The following EIF4EBP2 variants were observed in gnomAD, a reference collection of about 807,000 sequenced individuals.
EIF4EBP2 encodes the protein eukaryotic translation initiation factor 4E-binding protein 2.
In EIF4EBP2, 5 loss-of-function variants were observed where a neutral mutation model predicts 10.3. The observed-to-expected ratio is 0.48, with a 90% CI of 0.25 to 1.02. EIF4EBP2 has a LOEUF of 1.02. EIF4EBP2 is among the 50% of genes least tolerant of loss of function. EIF4EBP2 has a pLI of 0.15. For missense variants in EIF4EBP2, 188 were observed against 162.2 expected (o/e 1.16, Z -0.86); for synonymous variants, 67 against 61.1 (o/e 1.10, Z -0.45).
chr10:70,421,756 C>G lies in EIF4EBP2; in HGVS notation c.*9C>G. 6.2e-7 allele frequency: 1 copy of G among 1,612,508 alleles called. No individual in the cohort carries two copies. On this transcript the variant is annotated 3_prime_UTR_variant, in exon 3 of 3. Transcript: ENST00000373218. ...TCGAGATGGACATCTGACTCTCCTG[C>G]AAGGATTAGAAGAAAAGCAGCAACA... is the stretch of plus-strand genomic sequence containing the variant.
chr10:70,405,723 C>T (rs1477347838), intron 1 of EIF4EBP2, among the ~76,000 whole-genome samples: 1 of 152,136 alleles, frequency 6.6e-6, no homozygotes, highest in East Asian at 1.9e-4. Context: ...TGCACAATAG[C>T]AAGGCCTGTG....
At chr10:70,408,841 T>C (rs1409457179) in intron 1 of EIF4EBP2, among the ~76,000 whole-genome samples, 1 of 152,242 alleles carries the variant, frequency 6.6e-6, no homozygotes, top group Non-Finnish European at 1.5e-5. Context: ...AGTCAAGTGC[T>C]AACATATATT....
At chr10:70,407,319 A>T (rs1425325326) in intron 1 of EIF4EBP2, among the ~76,000 whole-genome samples, 2 of 152,090 alleles carry the variant, frequency 1.3e-5, no homozygotes, top group Non-Finnish European at 2.9e-5. Context: ...GATGACTCTT[A>T]ACGAGCACGC....
In EIF4EBP2 at chr10:70,421,125, A is replaced by G. The variant is rs562774925; in HGVS notation, c.332-591A>G. ...TGTTTCTTATATGAGTTTCTTTTAT[A>G]TGGTGTGAGGAAAAGCGGTATGGTT... On this transcript the variant is annotated intron_variant, in intron 2 of 2. Transcript: ENST00000373218. Among the ~76,000 whole-genome samples the G allele has an allele frequency of 2.0e-5, 3 of 152,244 alleles. 1 individual carries two copies. Among genetic ancestry groups the G allele is most frequent in the African/African-American group, 7.2e-5 (3 of 41,530 alleles).
At chr10:70,413,988 A>G (rs1329329208) in intron 1 of EIF4EBP2, among the ~76,000 whole-genome samples, 2 of 152,204 alleles carry the variant, frequency 1.3e-5, no homozygotes, top group Non-Finnish European at 2.9e-5. Context: ...TTGAGCTGAC[A>G]TAGCGTTGGA....
intron 1 of EIF4EBP2, among the ~76,000 whole-genome samples, chr10:70,417,778 C>T (rs1845112744): frequency 6.6e-6 from 1 of 152,196 alleles, no homozygotes; most frequent in Admixed American, 6.5e-5. Context: ...GTTGACTCAT[C>T]TGACAGTGAA....
At chr10:70,409,344 T>C (rs1326835613) in intron 1 of EIF4EBP2, among the ~76,000 whole-genome samples, 1 of 152,104 alleles carries the variant, frequency 6.6e-6, no homozygotes, top group Non-Finnish European at 1.5e-5. Flanking sequence ...GTGGGGATGA[T>C]ATTTGGTTCT....
rs1845209355 is a variant in EIF4EBP2 at position 70,426,732 on chromosome 10, T to G, written c.*4985T>G. 6.6e-6 allele frequency: 1 copy of G among 152,256 alleles called. No individual in the cohort carries two copies. Among genetic ancestry groups the G allele is most frequent in the Non-Finnish European group, 1.5e-5 (1 of 68,046 alleles). The allele number at this position is 152,256 out of a possible 1,614,324, so 9.4% of individuals were successfully genotyped here. A position where few individuals can be genotyped will look rare whatever the true frequency, so the allele number is the denominator to read the frequency against. On this transcript the variant is annotated 3_prime_UTR_variant, in exon 3 of 3. Coordinates refer to ENST00000373218, the MANE Select transcript of EIF4EBP2 (RefSeq NM_004096.5). ...TTCTTCCAGAAGTAAAGAACTCATCTTTAGAGTACCTTTAAATGAATTTTG... is the reference window on the plus strand; with the variant it reads ...TTCTTCCAGAAGTAAAGAACTCATCGTTAGAGTACCTTTAAATGAATTTTG...
intron 1 of EIF4EBP2, among the ~76,000 whole-genome samples, chr10:70,415,850 T>C (rs1845089217): frequency 6.6e-6 from 1 of 150,782 alleles, no homozygotes; most frequent in Non-Finnish European, 1.5e-5. Context: ...GCCTGAGATA[T>C]GACTCCAAAA....
At chr10:70,408,548 C>T (rs1333153824) in intron 1 of EIF4EBP2, among the ~76,000 whole-genome samples, 5 of 152,194 alleles carry the variant, frequency 3.3e-5, no homozygotes, top group Non-Finnish European at 7.3e-5. Flanking sequence ...TTAACTTCCC[C>T]CTCTGACGGT....
intron 2 of EIF4EBP2, 58 bp from the exon 3 acceptor site, chr10:70,421,658 A>C: frequency 2.7e-6 from 4 of 1,488,558 alleles, no homozygotes; most frequent in Non-Finnish European, 3.7e-6. Context: ...ATGACAGTTA[A>C]AACTGTTATG....
intron 1 of EIF4EBP2, among the ~76,000 whole-genome samples, chr10:70,412,043 A>G (rs1401049389): frequency 6.6e-6 from 1 of 152,182 alleles, no homozygotes; most frequent in Non-Finnish European, 1.5e-5. Flanking sequence ...AAACCCCAGG[A>G]TATAGACTGT....
chr10:70,406,220 C>T (rs1589144931), intron 1 of EIF4EBP2, among the ~76,000 whole-genome samples: 1 of 152,164 alleles, frequency 6.6e-6, no homozygotes, highest in Non-Finnish European at 1.5e-5. Context: ...GTTATTCGCC[C>T]CGTCAGCCTC....
At position 70,428,219 on chromosome 10, in the gene EIF4EBP2, A is replaced by G. The variant is rs917130556; in HGVS notation, c.*6472A>G. On this transcript the variant is annotated 3_prime_UTR_variant, in exon 3 of 3. Transcript: ENST00000373218. ...GTAAACCTTAAAGAAGGTGTCTTGA[A>G]GAGCCCAGAGGACACTCACGTGCTA... 3.3e-5 allele frequency: 5 copies of G among 152,044 alleles called. No homozygotes were observed. Among genetic ancestry groups the G allele is most frequent in the African/African-American group, 9.7e-5 (4 of 41,408 alleles). 9.4% of individuals were successfully genotyped at this position (152,044 alleles called of 1,614,324 possible). A position where few individuals can be genotyped will look rare whatever the true frequency, so the allele number is the denominator to read the frequency against.
chr10:70,416,589 A>G (rs1029748599), intron 1 of EIF4EBP2, among the ~76,000 whole-genome samples: 1 of 150,222 alleles, frequency 6.7e-6, no homozygotes, highest in African/African-American at 2.5e-5. Context: ...AAAAAAAAAA[A>G]AAAAAACCAG....
chr10:70,412,853 C>G (rs1004672651), intron 1 of EIF4EBP2, among the ~76,000 whole-genome samples: 8 of 152,126 alleles, frequency 5.3e-5, no homozygotes, highest in Non-Finnish European at 8.8e-5. Context: ...TAATGTTAAC[C>G]TAGATCTAAA....
chr10:70,421,644 G>A (rs1845158229), intron 2 of EIF4EBP2, 72 bp from the exon 3 acceptor site: 1 of 1,352,324 alleles, frequency 7.4e-7, no homozygotes, highest in Non-Finnish European at 1.1e-6. Flanking sequence ...CTCATTTAGA[G>A]GGAATGACAG....
Position 70,419,971 on chromosome 10 carries a change from C to G in EIF4EBP2, c.203C>G (p.Ala68Gly). 6.2e-7 allele frequency: 1 copy of G among 1,611,596 alleles called. No individual in the cohort carries two copies. The highest frequency in any genetic ancestry group is 1.1e-5 in the South Asian group (1 of 90,450). ...FLLDRRNSPM[A>G]QTPPCHLPNI... ...TTGGATCGTCGCAATTCTCCCATGG[C>G]TCAGACCCCACCCTGCCACCTGCCC... Residue 68 changes from alanine to glycine, a missense_variant, in exon 2 of 3, where the codon GCT becomes GGT. By Grantham distance (60) the Ala-to-Gly change is moderately conservative. Coordinates refer to ENST00000373218, the MANE Select transcript of EIF4EBP2 (RefSeq NM_004096.5).
intron 1 of EIF4EBP2, among the ~76,000 whole-genome samples, chr10:70,406,127 C>T (rs1046110735): frequency 2.6e-5 from 4 of 152,116 alleles, no homozygotes; most frequent in Non-Finnish European, 1.5e-5. Flanking sequence ...ACCACAGGCA[C>T]GTGCCACCAC....
Sources: allele counts gnomAD v4.1 joint callset (sites outside exome capture counted in the v4.1 genomes callset), GRCh38; gene constraint gnomAD v4.1.1; transcripts MANE v1.5; gene names NCBI Gene and HGNC (gene_info 2026-07-23, HGNC 2026-07-21).